Variants in EBF2 observed in about 807,000 individuals in gnomAD.
EBF2 encodes the protein EBF transcription factor 2, also known as transcription factor COE2.
In EBF2, 21 loss-of-function variants were observed where a neutral mutation model predicts 72.8. The ratio of observed to expected loss-of-function variants is 0.29; its 90% CI spans 0.20 to 0.42. The LOEUF (loss-of-function observed/expected upper bound fraction) is 0.42. EBF2 is among the 10% of genes least tolerant of loss of function. The probability of loss-of-function intolerance (pLI) is 1.00; values close to 1 mark genes in which losing one functional copy is unlikely to be tolerated. For synonymous variants in EBF2, 299 were observed against 274.2 expected, an observed-to-expected ratio of 1.09 and a Z score of -0.89; for missense variants, 637 against 731.2, an observed-to-expected ratio of 0.87 and a Z score of 1.49.
intron 14 of EBF2, among the ~76,000 whole-genome samples, chr8:25,856,352 A>ACC (rs1159861262): frequency 6.6e-6 from 1 of 152,226 alleles, no homozygotes; most frequent in Non-Finnish European, 1.5e-5. Flanking sequence ...TTAGCCTAAT[A>ACC]TTACACTATA....
At chr8:25,920,432 G>A (rs865925709) in intron 6 of EBF2, among the ~76,000 whole-genome samples, 2 of 152,210 alleles carry the variant, frequency 1.3e-5, no homozygotes, top group South Asian at 4.1e-4. Flanking sequence ...AGCTAGGCAG[G>A]TCCTTCAAGC....
At chr8:25,944,908 G>A (rs540939303) in intron 6 of EBF2, among the ~76,000 whole-genome samples, 2 of 151,950 alleles carry the variant, frequency 1.3e-5, no homozygotes, top group Non-Finnish European at 2.9e-5. Context: ...CTGATAAGTG[G>A]CCTCTGATAA....
intron 6 of EBF2, among the ~76,000 whole-genome samples, chr8:25,992,957 G>C (rs535772863): frequency 1.3e-5 from 2 of 152,022 alleles, no homozygotes; most frequent in Middle Eastern, 3.4e-3. Flanking sequence ...CAAAAGGGGA[G>C]CTGTGCTGGT....
At chr8:25,946,380 C>T (rs977330505) in intron 6 of EBF2, among the ~76,000 whole-genome samples, 2 of 152,196 alleles carry the variant, frequency 1.3e-5, no homozygotes, top group African/African-American at 2.4e-5. Context: ...TACCCCAGAC[C>T]TAAATATGCT....
chr8:26,030,738 G>A (rs1805388345), intron 6 of EBF2, among the ~76,000 whole-genome samples: 1 of 152,212 alleles, frequency 6.6e-6, no homozygotes, highest in South Asian at 2.1e-4. Context: ...AAGTGAGGCA[G>A]AGACATCACT....
intron 7 of EBF2, among the ~76,000 whole-genome samples, chr8:25,904,430 G>A (rs1400582194): frequency 6.6e-6 from 1 of 151,680 alleles, no homozygotes; most frequent in Non-Finnish European, 1.5e-5. Context: ...TTCCACCAGT[G>A]TTTGGGGGTA....
intron 6 of EBF2, among the ~76,000 whole-genome samples, chr8:25,996,295 C>CA (rs72054331): frequency 0.21 from 26,838 of 125,384 alleles, 4,478 homozygotes; most frequent in East Asian, 0.5. Flanking sequence ...GACCCTGTCT[C>CA]AAAAAAAAAA....
At chr8:25,993,948 C>T (rs1804584384) in intron 6 of EBF2, among the ~76,000 whole-genome samples, 1 of 151,940 alleles carries the variant, frequency 6.6e-6, no homozygotes, top group African/African-American at 2.4e-5. Context: ...AGTTTTACAG[C>T]CACTATTTTG....
At chr8:25,905,777 C>T (rs1311526699) in intron 7 of EBF2, among the ~76,000 whole-genome samples, 3 of 152,128 alleles carry the variant, frequency 2.0e-5, no homozygotes, top group African/African-American at 7.2e-5. Context: ...TTTGAATGTA[C>T]TAAAAACCAC....
intron 6 of EBF2, among the ~76,000 whole-genome samples, 171 bp from the exon 7 acceptor site, chr8:25,908,726 G>T (rs1803080735): frequency 6.6e-6 from 1 of 152,154 alleles, no homozygotes; most frequent in African/African-American, 2.4e-5. Context: ...TGCAAATTTG[G>T]ATGTTTTCAA....
At chr8:26,040,830 C>G in intron 3 of EBF2, 109 bp downstream of exon 3, 1 of 1,536,668 alleles carries the variant, frequency 6.5e-7, no homozygotes, top group Non-Finnish European at 8.9e-7. Context: ...AAGCCTCCCG[C>G]CGCCCTGGGC....
chr8:25,870,448 C>A (rs1476335150), intron 10 of EBF2, among the ~76,000 whole-genome samples: 1 of 152,030 alleles, frequency 6.6e-6, no homozygotes, highest in Non-Finnish European at 1.5e-5. Flanking sequence ...TGTCCCCCAC[C>A]CTGGCAAGTG....
At chr8:25,878,049 G>T (rs772663495) in intron 10 of EBF2, among the ~76,000 whole-genome samples, 1 of 152,154 alleles carries the variant, frequency 6.6e-6, no homozygotes, top group Non-Finnish European at 1.5e-5. Flanking sequence ...TGGAAATGAG[G>T]CTCAGAGAGG....
chr8:25,885,739 A>T (rs1209619610), intron 10 of EBF2, among the ~76,000 whole-genome samples: 2 of 152,082 alleles, frequency 1.3e-5, no homozygotes, highest in Non-Finnish European at 2.9e-5. Flanking sequence ...ACCATGTAAG[A>T]TGTGCCTTTC....
At position 25,861,320 on chromosome 8, in the gene EBF2, G is replaced by A; in HGVS notation, c.1153C>T (p.His385Tyr). 1 of 1,614,216 alleles carries A rather than the reference G, an allele frequency of 6.2e-7. No individual in the cohort carries two copies. The highest frequency in any genetic ancestry group is 8.5e-7 in the Non-Finnish European group (1 of 1,180,034). Reference sequence around the variant, plus strand: ...TGTCAGTATCTCACCTGGTTATTGTGTGGTGTGCCATAAAGAGCTTCCACT... The same window carrying A: ...TGTCAGTATCTCACCTGGTTATTGTATGGTGTGCCATAAAGAGCTTCCACT... ...DLVEALYGTP[H>Y]NNQDIILKRA... Residue 385 changes from histidine (H) to tyrosine (Y), a missense_variant, in exon 12 of 16, where the codon CAC becomes TAC. Physicochemically the swap from His to Tyr is moderately conservative, Grantham distance 83 (BLOSUM62 2). Transcript: ENST00000520164.
chr8:25,967,264 T>C (rs972122601), intron 6 of EBF2, among the ~76,000 whole-genome samples: 3 of 152,204 alleles, frequency 2.0e-5, no homozygotes, highest in Non-Finnish European at 2.9e-5. Flanking sequence ...AGCTAAGTTT[T>C]AGAAGATACA....
At chr8:25,988,653 A>G (rs183551927) in intron 6 of EBF2, among the ~76,000 whole-genome samples, 20 of 152,354 alleles carry the variant, frequency 1.3e-4, no homozygotes. Flanking sequence ...CCAGGAATCT[A>G]CAATCTAGTT....
chr8:25,899,753 C>T (rs553382319), intron 7 of EBF2, among the ~76,000 whole-genome samples: 112 of 152,228 alleles, frequency 7.4e-4, no homozygotes, highest in African/African-American at 2.7e-3. Flanking sequence ...GCTGTGTGTA[C>T]GAGGTGTCTT....
chr8:25,978,673 C>T (rs1433565706), intron 6 of EBF2, among the ~76,000 whole-genome samples: 1 of 152,156 alleles, frequency 6.6e-6, no homozygotes, highest in Admixed American at 6.5e-5. Context: ...ATGGGACCCC[C>T]ACAACACTCA....
Sources: gnomAD v4.1 joint callset for allele counts (sites outside exome capture counted in the v4.1 genomes callset) on GRCh38, gnomAD v4.1.1 for gene constraint, MANE v1.5 for transcripts, NCBI Gene and HGNC (gene_info 2026-07-23, HGNC 2026-07-21) for gene names.